The following ITPRID2 variants were observed in gnomAD, a reference collection of about 807,000 sequenced individuals.
ITPRID2 encodes protein ITPRID2.
A neutral mutation model predicts 124.3 loss-of-function variants in ITPRID2; 60 were observed. The ratio of observed to expected loss-of-function variants is 0.48; its 90% CI spans 0.39 to 0.60. The LOEUF is 0.60. Ranked by LOEUF, ITPRID2 falls within the 20% of genes least tolerant of loss-of-function variation. ITPRID2 has a pLI of 0.00. For missense variants in ITPRID2, 1,553 were observed against 1,512.2 expected (o/e 1.03, Z -0.45); for synonymous variants, 521 against 542.9 (o/e 0.96, Z 0.56).
At chr2:181,895,306 A>G (rs1382660601) in intron 2 of ITPRID2, among the ~76,000 whole-genome samples, 1 of 152,048 alleles carries the variant, frequency 6.6e-6, no homozygotes, top group African/African-American at 2.4e-5. Flanking sequence ...TTATTTTTGT[A>G]TTTGAAAAAA....
At chr2:181,893,076 T>A (rs539695358) in intron 2 of ITPRID2, 3 of 198,164 alleles carry the variant, frequency 1.5e-5, no homozygotes, top group Non-Finnish European at 3.2e-5. Context: ...TTAATTTACC[T>A]AACTACACTA....
chr2:181,920,555 T>TAC (rs772810259), intron 14 of ITPRID2, 42 bp from the exon 15 acceptor site: 9 of 1,419,558 alleles, frequency 6.3e-6, no homozygotes, highest in African/African-American at 1.4e-5. Context: ...TATGTATATA[T>TAC]ACACACACAT....
rs1273172910 is a variant in ITPRID2, at chr2:181,891,857, T to A, written c.-210T>A. Reference sequence around the variant, plus strand: ...CGCTCCCGCGCGCGCCCGGCCGCCTTCATGTGAAGCGCCGGCCCTCCGCCC... The same window carrying A: ...CGCTCCCGCGCGCGCCCGGCCGCCTACATGTGAAGCGCCGGCCCTCCGCCC... On this transcript the variant is annotated 5_prime_UTR_variant, in exon 1 of 18. Coordinates refer to ENST00000431877, the MANE Select transcript of ITPRID2 (RefSeq NM_001130445.3). 1 of 331,986 alleles carries A rather than the reference T, an allele frequency of 3.0e-6. No homozygotes were observed. 20.6% of individuals were successfully genotyped at this position (331,986 alleles called of 1,614,324 possible). A position where few individuals can be genotyped will look rare whatever the true frequency, so the allele number is the denominator to read the frequency against.
chr2:181,906,313 G>A (rs77962869), intron 8 of ITPRID2, among the ~76,000 whole-genome samples: 5,590 of 152,264 alleles, frequency 0.037, 143 homozygotes, highest in South Asian at 0.1. Flanking sequence ...GGTGTCAGTG[G>A]AGGATGGCAG....
chr2:181,898,796 G>T, intron 4 of ITPRID2, 84 bp from the exon 5 acceptor site: 4 of 938,790 alleles, frequency 4.3e-6, no homozygotes, highest in South Asian at 4.2e-5. Flanking sequence ...AATATTGTAG[G>T]TAATTAGATT....
intron 16 of ITPRID2, among the ~76,000 whole-genome samples, chr2:181,926,519 T>C (rs978358665): frequency 9.2e-5 from 14 of 151,996 alleles, no homozygotes; most frequent in East Asian, 2.0e-4. Context: ...CGAGACCATC[T>C]TGGCTAACAT....
rs1175303656 is a variant in ITPRID2 at position 181,892,267 on chromosome 2, G to A, written c.201G>A (p.Ala67=). The A allele has an allele frequency of 1.9e-6, 3 of 1,547,488 alleles. No individual in the cohort carries two copies. The highest frequency in any genetic ancestry group is 2.7e-5 in the African/African-American group (2 of 73,100). ...TCCCCGGCGCGCAGCTGCCGGCAGC[G>A]GGGGGAAGAGGTCGGTGCTCCCGGC... The part of the protein sequence containing the change: ...EDLPGAQLPA[A]GGRGNVPNEK... Residue 67 remains alanine, a synonymous_variant, in exon 1 of 18, where the codon GCG becomes GCA. Coordinates refer to ENST00000431877, the MANE Select transcript of ITPRID2 (RefSeq NM_001130445.3). This position sits in a 1 kb window ranked among gnomAD's most constrained non-coding sequence, Gnocchi z 5.2.
chr2:181,910,662 G>A lies in ITPRID2; in HGVS notation c.1486+691G>A. The A allele has an allele frequency of 1.5e-6, 1 of 668,090 alleles. No individual in the cohort carries two copies. Among genetic ancestry groups the A allele is most frequent in the South Asian group, 1.8e-5 (1 of 56,652 alleles). 41.4% of individuals were successfully genotyped at this position (668,090 alleles called of 1,614,324 possible). ...TGTTTATTTTTGAAACTTTACACAT[G>A]CTGAACCACCCTGTTTTTTTTTTAA... On this transcript the variant is annotated intron_variant, in intron 9 of 17. Coordinates refer to ENST00000431877, the MANE Select transcript of ITPRID2 (RefSeq NM_001130445.3). This position sits in a 1 kb window ranked among gnomAD's most constrained non-coding sequence, Gnocchi z 4.1.
Position 181,896,819 on chromosome 2 carries a change from T to C in ITPRID2, c.308-89T>C. The C allele has an allele frequency of 4.1e-6, 4 of 970,852 alleles. No individual in the cohort carries two copies. The Middle Eastern group carries it at 8.5e-4, about 206-fold the overall frequency. 60.1% of individuals were successfully genotyped at this position (970,852 alleles called of 1,614,324 possible). A position where few individuals can be genotyped will look rare whatever the true frequency, so the allele number is the denominator to read the frequency against. ...GAAAGATTTTACTGTATAAGATATT[T>C]TGCTGGGTGAATTTAACTAAAACAG... On this transcript the variant is annotated intron_variant, in intron 3 of 17. Transcript: ENST00000431877. This position sits in a 1 kb window ranked among gnomAD's most constrained non-coding sequence, Gnocchi z 4.3.
intron 7 of ITPRID2, 44 bp downstream of exon 7, chr2:181,900,948 G>C: frequency 1.4e-6 from 2 of 1,407,360 alleles, no homozygotes; most frequent in Non-Finnish European, 1.9e-6. Context: ...TTAAATTATA[G>C]CATCTACAGC....
intron 7 of ITPRID2, 31 bp from the exon 8 acceptor site, chr2:181,901,735 A>C: frequency 7.0e-7 from 1 of 1,436,686 alleles, no homozygotes; most frequent in Non-Finnish European, 9.4e-7. Flanking sequence ...TATAAATATA[A>C]ACATATCATT....
At chr2:181,900,457 T>C (rs1692570158) in intron 6 of ITPRID2, among the ~76,000 whole-genome samples, 1 of 152,172 alleles carries the variant, frequency 6.6e-6, no homozygotes, top group Non-Finnish European at 1.5e-5. Context: ...CTGTGTTCGT[T>C]GGGGTTAGCT....
At position 181,910,832 on chromosome 2, in the gene ITPRID2, A is replaced by C. The variant is rs1693549866; in HGVS notation, c.1486+861A>C. Among the ~76,000 whole-genome samples the C allele has an allele frequency of 6.6e-6, 1 of 152,052 alleles. No homozygotes were observed. The highest frequency in any genetic ancestry group is 2.1e-4 in the South Asian group (1 of 4,826). On this transcript the variant is annotated intron_variant, in intron 9 of 17. Coordinates refer to ENST00000431877, the MANE Select transcript of ITPRID2 (RefSeq NM_001130445.3). The surrounding 1 kb of genome is among the most constrained non-coding windows in gnomAD (Gnocchi z 4.1). ...ATTAAGAAACAAGAGCTTCACTCTCACTCGGTCACTGCAGCTCTGGTTAGA... is the reference window on the plus strand; with the variant it reads ...ATTAAGAAACAAGAGCTTCACTCTCCCTCGGTCACTGCAGCTCTGGTTAGA...
intron 17 of ITPRID2, among the ~76,000 whole-genome samples, chr2:181,928,821 T>C (rs953178688): frequency 6.6e-6 from 1 of 151,864 alleles, no homozygotes; most frequent in African/African-American, 2.4e-5. Flanking sequence ...AGAGACGGGG[T>C]TTCACCGTTT....
At chr2:181,911,577 A>T (rs1558998424) in intron 9 of ITPRID2, among the ~76,000 whole-genome samples, 1 of 152,128 alleles carries the variant, frequency 6.6e-6, no homozygotes, top group Non-Finnish European at 1.5e-5. Flanking sequence ...TTTTTTTCTC[A>T]CTTTAATGTT....
intron 16 of ITPRID2, among the ~76,000 whole-genome samples, chr2:181,925,052 G>A (rs1694746297): frequency 6.6e-6 from 1 of 152,212 alleles, no homozygotes; most frequent in African/African-American, 2.4e-5. Flanking sequence ...TGTTTAGAGA[G>A]TTATTTGTTA....
intron 9 of ITPRID2, among the ~76,000 whole-genome samples, chr2:181,911,583 A>G (rs934856793): frequency 6.6e-5 from 10 of 152,106 alleles, no homozygotes; most frequent in African/African-American, 2.4e-4. Context: ...TCTCACTTTA[A>G]TGTTTCCTCT....
In ITPRID2 at chr2:181,920,669, T is replaced by C; in HGVS notation, c.3210+7T>C. 1 of 1,609,172 alleles carries C rather than the reference T, an allele frequency of 6.2e-7. No homozygotes were observed. Among genetic ancestry groups the C allele is most frequent in the East Asian group, 2.2e-5 (1 of 44,800 alleles). ...ATTGAATGTAATGGAACCAGTAAGCTTCTTTCCTCTTAAATCACTGGGGAA... is the reference window on the plus strand; with the variant it reads ...ATTGAATGTAATGGAACCAGTAAGCCTCTTTCCTCTTAAATCACTGGGGAA... On this transcript the variant is annotated splice_region_variant and intron_variant, in intron 15 of 17. Transcript: ENST00000431877.
intron 14 of ITPRID2, 80 bp from the exon 15 acceptor site, chr2:181,920,517 A>G: frequency 9.7e-7 from 1 of 1,026,664 alleles, no homozygotes; most frequent in Non-Finnish European, 1.4e-6. Context: ...GAAAAAATAT[A>G]TATGTACATT....
Sources: gnomAD v4.1 joint callset for allele counts (sites outside exome capture counted in the v4.1 genomes callset) on GRCh38, gnomAD v4.1.1 for gene constraint, Gnocchi (gnomAD v3.1) non-coding constraint, MANE v1.5 for transcripts, NCBI Gene and HGNC (gene_info 2026-07-23, HGNC 2026-07-21) for gene names.